PIK3CA: variants seen among roughly 807,000 people sequenced by gnomAD.
The protein encoded by PIK3CA is phosphatidylinositol 4,5-bisphosphate 3-kinase catalytic subunit alpha isoform.
A neutral mutation model predicts 138.2 loss-of-function variants in PIK3CA; 27 were observed. The observed-to-expected ratio is 0.20, with a 90% confidence interval of 0.14 to 0.27. PIK3CA has a LOEUF of 0.27. Among genes scored for constraint, PIK3CA ranks in the 10% least tolerant of loss-of-function variants. The pLI, the probability that PIK3CA is intolerant of heterozygous loss-of-function variation, is 1.00. For missense variants in PIK3CA, 544 were observed against 1,277.4 expected, an observed-to-expected ratio of 0.43 and a Z score of 8.75; for synonymous variants, 358 against 413.2, an observed-to-expected ratio of 0.87 and a Z score of 1.62.
At chr3:179,222,706 A>G (rs67920954) in intron 14 of PIK3CA, among the ~76,000 whole-genome samples, 36,329 of 152,082 alleles carry the variant, frequency 0.24, 5,067 homozygotes, top group African/African-American at 0.38. Context: ...GCTACCCAGC[A>G]TCTCAAGAAA....
chr3:179,220,413 A>G lies in PIK3CA; in HGVS notation c.2015+361A>G, dbSNP rs538209978. 6.6e-6 allele frequency among the ~76,000 whole-genome samples: 1 copy of G among 152,330 alleles called. No homozygotes were observed. The highest frequency in any genetic ancestry group is 1.9e-4 in the East Asian group (1 of 5,194). ...ATGTTTTACCTTGAAATTCAGAACA[A>G]TGTCAAACTCCCGTGGTTCTTACTG... On this transcript the variant is annotated intron_variant, in intron 13 of 20. Transcript: ENST00000263967. This position sits in a 1 kb window ranked among gnomAD's most constrained non-coding sequence, Gnocchi z 4.1.
chr3:179,155,053 A>T (rs1251190901), intron 1 of PIK3CA, among the ~76,000 whole-genome samples: 1 of 152,206 alleles, frequency 6.6e-6, no homozygotes. Flanking sequence ...CAGTGTTGTG[A>T]TGTGAAGAAA....
In PIK3CA at chr3:179,220,115, T is replaced by G; in HGVS notation, c.2015+63T>G. 8.6e-7 allele frequency: 1 copy of G among 1,164,492 alleles called. No individual in the cohort carries two copies. Among genetic ancestry groups the G allele is most frequent in the Non-Finnish European group, 1.2e-6 (1 of 825,826 alleles). The allele number at this position is 1,164,492 out of a possible 1,614,324, so 72.1% of individuals were successfully genotyped here. ...CATATTACTTGCTTTCTTAATAGAT[T>G]TATAAATATGTATTACTTATATACT... On this transcript the variant is annotated intron_variant, in intron 13 of 20. Coordinates refer to ENST00000263967, the MANE Select transcript of PIK3CA (RefSeq NM_006218.4). This position sits in a 1 kb window ranked among gnomAD's most constrained non-coding sequence, Gnocchi z 4.1.
intron 9 of PIK3CA, among the ~76,000 whole-genome samples, chr3:179,214,671 T>C (rs1297566617): frequency 1.3e-5 from 2 of 152,212 alleles, no homozygotes; most frequent in African/African-American, 4.8e-5. Context: ...TTCCTTTACA[T>C]AGGGATACCA....
rs1247808949 is a variant in PIK3CA, at chr3:179,233,185, CTT to C, written c.2937-908_2937-907del. The C allele has an allele frequency of 1.0e-5, 4 of 395,612 alleles. No individual in the cohort carries two copies. In the Admixed American group the frequency reaches 1.8e-4, roughly 18 times the overall value. 24.5% of individuals were successfully genotyped at this position (395,612 alleles called of 1,614,324 possible). On this transcript the variant is annotated intron_variant, in intron 20 of 20. Coordinates refer to ENST00000263967, the MANE Select transcript of PIK3CA (RefSeq NM_006218.4). ...AAATCTAGGAATTTTTTGGAGAACT[CTT>C]GGGTTTTCTAGGTATATGATTATGT...
At chr3:179,151,363 C>G (rs1038542758) in intron 1 of PIK3CA, among the ~76,000 whole-genome samples, 3 of 152,168 alleles carry the variant, frequency 2.0e-5, no homozygotes, top group African/African-American at 7.2e-5. Flanking sequence ...TTTAATAGAA[C>G]TGAAGAAATT....
intron 1 of PIK3CA, among the ~76,000 whole-genome samples, chr3:179,187,056 T>A (rs1013309791): frequency 6.6e-6 from 1 of 152,100 alleles, no homozygotes; most frequent in East Asian, 1.9e-4. Context: ...TTTCCTAATT[T>A]AAAAAATTAC....
intron 4 of PIK3CA, among the ~76,000 whole-genome samples, chr3:179,202,208 G>A (rs2108391135): frequency 6.6e-6 from 1 of 152,238 alleles, no homozygotes; most frequent in Non-Finnish European, 1.5e-5. Flanking sequence ...GGGACCACAT[G>A]CGTGTGCCAC....
chr3:179,190,951 C>T (rs1451542884), intron 1 of PIK3CA, among the ~76,000 whole-genome samples: 3 of 152,188 alleles, frequency 2.0e-5, no homozygotes, highest in Non-Finnish European at 4.4e-5. Flanking sequence ...TAAAGTCTCT[C>T]AGATAGTAGC....
At chr3:179,229,069 A>G (rs1201786999) in intron 17 of PIK3CA, among the ~76,000 whole-genome samples, 3 of 152,188 alleles carry the variant, frequency 2.0e-5, no homozygotes, top group Non-Finnish European at 4.4e-5. Context: ...GTTGAAGGTT[A>G]TAATAAATGA....
At chr3:179,149,983 G>A (rs1037574715) in intron 1 of PIK3CA, among the ~76,000 whole-genome samples, 3 of 151,006 alleles carry the variant, frequency 2.0e-5, no homozygotes, top group African/African-American at 4.9e-5. Flanking sequence ...ACAATTTAAC[G>A]TGTCTTTGTA....
intron 17 of PIK3CA, 30 bp downstream of exon 17, chr3:179,226,070 T>G (rs1348330315): frequency 8.9e-6 from 11 of 1,230,558 alleles, no homozygotes; most frequent in Middle Eastern, 1.9e-4. Context: ...ACCTGTATGT[T>G]GAAAGTTATC....
chr3:179,239,178 AGGT>A lies in PIK3CA; in HGVS notation c.*4815_*4817del, dbSNP rs1346406182. On this transcript the variant is annotated 3_prime_UTR_variant, in exon 21 of 21. Transcript: ENST00000263967. ...CAACAGTATACTCCATTCCTCATGT[AGGT>A]AAGTACAGAAAAGGTTTTTAAATGT... is the stretch of plus-strand genomic sequence containing the variant. 4.8e-6 allele frequency: 1 copy of A among 208,502 alleles called. No individual in the cohort carries two copies. Among genetic ancestry groups the A allele is most frequent in the Non-Finnish European group, 9.8e-6 (1 of 102,366 alleles). 12.9% of individuals were successfully genotyped at this position (208,502 alleles called of 1,614,324 possible). A position where few individuals can be genotyped will look rare whatever the true frequency, so the allele number is the denominator to read the frequency against.
intron 1 of PIK3CA, among the ~76,000 whole-genome samples, chr3:179,164,977 A>G (rs1388873814): frequency 6.6e-6 from 1 of 152,144 alleles, no homozygotes; most frequent in African/African-American, 2.4e-5. Flanking sequence ...TTTCTTAGAA[A>G]TGTCTCTGGA....
chr3:179,150,783 T>C (rs1213769696), intron 1 of PIK3CA, among the ~76,000 whole-genome samples: 1 of 152,230 alleles, frequency 6.6e-6, no homozygotes, highest in Non-Finnish European at 1.5e-5. Flanking sequence ...ATGCACAACA[T>C]AAAGTAGACT....
chr3:179,173,132 T>C (rs181336876), intron 1 of PIK3CA, among the ~76,000 whole-genome samples: 3 of 152,194 alleles, frequency 2.0e-5, no homozygotes, highest in Admixed American at 6.5e-5. Context: ...TGAACATTTT[T>C]GCTTTGTATA....
At chr3:179,149,785 T>C (rs1722962678) in intron 1 of PIK3CA, 1 of 152,220 alleles carries the variant, frequency 6.6e-6, no homozygotes, top group Admixed American at 6.5e-5. Flanking sequence ...AGGGCAATAT[T>C]GGTCATATGT....
chr3:179,229,555 G>T, intron 18 of PIK3CA, 113 bp downstream of exon 18: 1 of 656,546 alleles, frequency 1.5e-6, no homozygotes. Flanking sequence ...TACTTTCTAT[G>T]GAAAAAAATA....
rs148227656 is a variant in PIK3CA at position 179,178,686 on chromosome 3, C to T, written c.-76-20064C>T. 3.9e-5 allele frequency among the ~76,000 whole-genome samples: 6 copies of T among 152,260 alleles called. No individual in the cohort carries two copies. The East Asian group carries it at 1.2e-3, about 29-fold the overall frequency. ...CAACTCACAGGACTCAGCATGATGT[C>T]GTACTCATGGCTCTATCACTTACTA... On this transcript the variant is annotated intron_variant, in intron 1 of 20. Coordinates refer to ENST00000263967, the MANE Select transcript of PIK3CA (RefSeq NM_006218.4).
Sources: gnomAD v4.1 joint callset for allele counts (sites outside exome capture counted in the v4.1 genomes callset) on GRCh38, gnomAD v4.1.1 for gene constraint, Gnocchi (gnomAD v3.1) non-coding constraint, MANE v1.5 for transcripts, NCBI Gene and HGNC (gene_info 2026-07-23, HGNC 2026-07-21) for gene names.